GRIK2: variants seen among roughly 807,000 people sequenced by gnomAD.
GRIK2 encodes the protein glutamate ionotropic receptor kainate type subunit 2.
A neutral mutation model predicts 100.3 loss-of-function variants in GRIK2; 32 were observed. The observed-to-expected ratio is 0.32, with a 90% confidence interval of 0.24 to 0.43. GRIK2 has a LOEUF of 0.43. Ranked by LOEUF, GRIK2 falls within the 20% of genes least tolerant of loss-of-function variation. GRIK2 has a pLI of 1.00. For missense variants in GRIK2, 843 were observed against 1,114.9 expected (o/e 0.76, Z 3.47); for synonymous variants, 417 against 389.4 (o/e 1.07, Z -0.83).
At chr6:101,830,172 G>A (rs1210790425) in intron 10 of GRIK2, among the ~76,000 whole-genome samples, 1 of 151,900 alleles carries the variant, frequency 6.6e-6, no homozygotes, top group Non-Finnish European at 1.5e-5. Flanking sequence ...AACAAATAAT[G>A]GAAAAGGATA....
At chr6:101,763,263 G>T (rs1583100614) in intron 7 of GRIK2, among the ~76,000 whole-genome samples, 5 of 152,144 alleles carry the variant, frequency 3.3e-5, no homozygotes. Context: ...ACAACTGAGT[G>T]ATTTCCTGGG....
chr6:101,424,070 C>G (rs1776557990), intron 2 of GRIK2, among the ~76,000 whole-genome samples: 1 of 152,042 alleles, frequency 6.6e-6, no homozygotes, highest in Non-Finnish European at 1.5e-5. Flanking sequence ...GGGGTTGTTA[C>G]TATTTTCTGT....
chr6:101,486,402 A>T (rs541692251), intron 2 of GRIK2, among the ~76,000 whole-genome samples: 1 of 146,666 alleles, frequency 6.8e-6, no homozygotes, highest in South Asian at 2.3e-4. Context: ...GGGGGGGGGA[A>T]GCTAAGTAGA....
intron 11 of GRIK2, among the ~76,000 whole-genome samples, chr6:101,874,108 C>A (rs1213995230): frequency 2.0e-5 from 3 of 152,106 alleles, no homozygotes; most frequent in Non-Finnish European, 4.4e-5. Flanking sequence ...TAATTAGATC[C>A]CATTTGTCAA....
At chr6:101,587,918 A>T (rs763671609) in intron 2 of GRIK2, among the ~76,000 whole-genome samples, 1 of 152,154 alleles carries the variant, frequency 6.6e-6, no homozygotes, top group Non-Finnish European at 1.5e-5. Flanking sequence ...AAGGTGACAC[A>T]TGAGCAAGGG....
At chr6:102,058,377 T>C (rs1049289452) in intron 16 of GRIK2, among the ~76,000 whole-genome samples, 10 of 151,786 alleles carry the variant, frequency 6.6e-5, no homozygotes, top group African/African-American at 2.2e-4. Flanking sequence ...TACCTACCTA[T>C]CTACCTATCA....
chr6:101,777,855 A>G (rs1053823950), intron 7 of GRIK2, among the ~76,000 whole-genome samples: 1 of 152,178 alleles, frequency 6.6e-6, no homozygotes, highest in African/African-American at 2.4e-5. Flanking sequence ...CTGTTACTAT[A>G]AATTCATTTA....
In GRIK2 at chr6:101,700,078, A is replaced by G. The variant is rs529622593; in HGVS notation, c.951+13725A>G. On this transcript the variant is annotated intron_variant, in intron 7 of 16. Coordinates refer to ENST00000369134, the MANE Select transcript of GRIK2 (RefSeq NM_021956.5). ...GGTGGGAAGATCACTTGATCCTGAG[A>G]GGTCGAAGCTGCAGTGAGCCGTGAT... is the stretch of plus-strand genomic sequence containing the variant. 5.4e-4 allele frequency among the ~76,000 whole-genome samples: 82 copies of G among 152,188 alleles called. 1 individual carries two copies. The South Asian group carries it at 0.016, about 30-fold the overall frequency.
chr6:101,591,082 A>G (rs1403025777), intron 2 of GRIK2, among the ~76,000 whole-genome samples: 1 of 151,908 alleles, frequency 6.6e-6, no homozygotes, highest in Non-Finnish European at 1.5e-5. Flanking sequence ...TATATATGGC[A>G]TTTTTCTGAC....
intron 2 of GRIK2, among the ~76,000 whole-genome samples, chr6:101,469,706 C>G (rs1371331274): frequency 1.3e-5 from 2 of 152,144 alleles, no homozygotes; most frequent in African/African-American, 4.8e-5. Flanking sequence ...GATTCTATAA[C>G]TTTACAGTCA....
intron 14 of GRIK2, among the ~76,000 whole-genome samples, chr6:101,987,806 T>G (rs1439348503): frequency 6.6e-6 from 1 of 151,650 alleles, no homozygotes; most frequent in Non-Finnish European, 1.5e-5. Flanking sequence ...TTTCTATAAC[T>G]TTTCTCTGTT....
At chr6:101,627,132 T>TGC (rs1780500896) in intron 4 of GRIK2, among the ~76,000 whole-genome samples, 1 of 149,418 alleles carries the variant, frequency 6.7e-6, no homozygotes, top group African/African-American at 2.6e-5. Context: ...TGTGTGTGTG[T>TGC]GTGTGTGTGT....
chr6:101,412,262 A>G (rs542456208), intron 2 of GRIK2, among the ~76,000 whole-genome samples: 13 of 152,212 alleles, frequency 8.5e-5, no homozygotes, highest in African/African-American at 2.9e-4. Flanking sequence ...TAATAATTGC[A>G]TATACTGATT....
At position 101,494,502 on chromosome 6, in the gene GRIK2, T is replaced by C. The variant is rs1773319946; in HGVS notation, c.115+95110T>C. Among the ~76,000 whole-genome samples the C allele has an allele frequency of 2.0e-5, 3 of 152,182 alleles. No individual in the cohort carries two copies. In the South Asian group the frequency reaches 6.2e-4, roughly 32 times the overall value. On this transcript the variant is annotated intron_variant, in intron 2 of 16. Transcript: ENST00000369134. ...CTTGAAGTTTAAAAACTTTAACAAT[T>C]ATTACTTTTACTGATTATATTATTT...
rs182592336 is a variant in GRIK2 at position 101,765,727 on chromosome 6, A to G, written c.952-33921A>G. On this transcript the variant is annotated intron_variant, in intron 7 of 16. Coordinates refer to ENST00000369134, the MANE Select transcript of GRIK2 (RefSeq NM_021956.5). ...CTCTCTCTCCCTCTCCACGAAGCGG[A>G]AATTAATTTTATAACTGGTATTCTT... Among the ~76,000 whole-genome samples the G allele has an allele frequency of 2.0e-3, 304 of 152,250 alleles. 3 individuals carry two copies. The highest frequency in any genetic ancestry group is 0.019 in the Admixed American group (288 of 15,280).
At chr6:101,798,246 C>T (rs1205685053) in intron 7 of GRIK2, among the ~76,000 whole-genome samples, 1 of 151,892 alleles carries the variant, frequency 6.6e-6, no homozygotes, top group Admixed American at 6.6e-5. Flanking sequence ...TGTATCTTCC[C>T]AATTCTGTTG....
chr6:101,911,226 G>A (rs1057240442), intron 12 of GRIK2, among the ~76,000 whole-genome samples: 11 of 151,416 alleles, frequency 7.3e-5, no homozygotes, highest in Non-Finnish European at 5.9e-5. Context: ...TCAGGAAGTT[G>A]GGGCTATAGC....
chr6:101,511,874 A>G (rs1774336792), intron 2 of GRIK2, among the ~76,000 whole-genome samples: 1 of 151,976 alleles, frequency 6.6e-6, no homozygotes, highest in African/African-American at 2.4e-5. Context: ...ACTGAATTTG[A>G]ATTGAGTTTA....
intron 14 of GRIK2, among the ~76,000 whole-genome samples, chr6:101,940,227 A>T (rs182583931): frequency 1.3e-5 from 2 of 152,246 alleles, no homozygotes; most frequent in Admixed American, 6.6e-5. Context: ...GATTCTTGAG[A>T]TCACTGTTTG....
Sources: gnomAD v4.1 joint callset for allele counts (sites outside exome capture counted in the v4.1 genomes callset) on GRCh38, gnomAD v4.1.1 for gene constraint, MANE v1.5 for transcripts, NCBI Gene and HGNC (gene_info 2026-07-23, HGNC 2026-07-21) for gene names.